The following METTL15 variants were observed in gnomAD, a reference collection of about 807,000 sequenced individuals.
METTL15 encodes methyltransferase 15, mitochondrial 12S rRNA N4-cytidine, also known as 12S rRNA N(4)-cytidine methyltransferase METTL15.
A neutral mutation model predicts 38.3 loss-of-function variants in METTL15; 34 were observed. That is an observed-to-expected ratio of 0.89 (90% CI 0.68 to 1.18). The LOEUF is 1.18. Among genes scored for constraint, METTL15 ranks in the 50% most tolerant of loss-of-function variants. The pLI is 0.00. For synonymous variants in METTL15, 162 were observed against 170.9 expected (o/e 0.95, Z 0.41); for missense variants, 438 against 498.4 (o/e 0.88, Z 1.15).
rs112754254 is a variant in METTL15 at position 28,147,360 on chromosome 11, A to C, written c.270+33756A>C. Among the ~76,000 whole-genome samples the C allele has an allele frequency of 3.9e-5, 6 of 151,960 alleles. No homozygotes were observed. The East Asian group carries it at 1.2e-3, about 29-fold the overall frequency. ...CATTTGATCTAGTTACAGAGTAGACAATCTTTAGGGCAATAAGTGGATTAC... is the reference window on the plus strand; with the variant it reads ...CATTTGATCTAGTTACAGAGTAGACCATCTTTAGGGCAATAAGTGGATTAC... On this transcript the variant is annotated intron_variant, in intron 3 of 6. Transcript: ENST00000407364.
At chr11:28,248,446 G>T (rs974560596) in intron 4 of METTL15, among the ~76,000 whole-genome samples, 3 of 152,032 alleles carry the variant, frequency 2.0e-5, no homozygotes, top group Non-Finnish European at 4.4e-5. Context: ...CATAGATTTT[G>T]TCTGGGTTTT....
chr11:28,129,166 G>T (rs1852633786), intron 3 of METTL15, among the ~76,000 whole-genome samples: 1 of 152,124 alleles, frequency 6.6e-6, no homozygotes, highest in African/African-American at 2.4e-5. Flanking sequence ...TCAAACACTT[G>T]AGGAATCTTT....
chr11:28,379,714 G>T (rs891258618), intron 5 of METTL15, among the ~76,000 whole-genome samples: 1 of 152,148 alleles, frequency 6.6e-6, no homozygotes, highest in Non-Finnish European at 1.5e-5. Flanking sequence ...GTAAATGTCA[G>T]TTAGGATTTC....
intron 6 of METTL15, among the ~76,000 whole-genome samples, chr11:28,506,107 A>G (rs946623573): frequency 2.0e-5 from 3 of 152,168 alleles, no homozygotes; most frequent in Non-Finnish European, 4.4e-5. Context: ...TTGGAGTTTA[A>G]TAGATTAATG....
At position 28,263,119 on chromosome 11, in the gene METTL15, G is replaced by A. The variant is rs1007352824; in HGVS notation, c.408-27087G>A. ...ATATTTTTTTAAAATGTGGTGCTCC[G>A]AACTGAACAGTATGTTCATTAGAGT... On this transcript the variant is annotated intron_variant, in intron 4 of 6. Transcript: ENST00000407364. Among the ~76,000 whole-genome samples the A allele has an allele frequency of 7.2e-5, 11 of 151,734 alleles. No homozygotes were observed. The East Asian group carries it at 1.2e-3, about 16-fold the overall frequency.
At chr11:28,252,476 T>C (rs1438867540) in intron 4 of METTL15, among the ~76,000 whole-genome samples, 1 of 152,146 alleles carries the variant, frequency 6.6e-6, no homozygotes, top group African/African-American at 2.4e-5. Context: ...ACATTAACTG[T>C]CTCACATTTT....
At chr11:28,499,240 C>T (rs1335907282) in intron 6 of METTL15, among the ~76,000 whole-genome samples, 1 of 152,034 alleles carries the variant, frequency 6.6e-6, no homozygotes, top group Admixed American at 6.6e-5. Flanking sequence ...GTAGAGTGTG[C>T]CCAAGATCAC....
At chr11:28,407,394 A>G (rs1029066961) in intron 5 of METTL15, among the ~76,000 whole-genome samples, 1 of 152,202 alleles carries the variant, frequency 6.6e-6, no homozygotes, top group Non-Finnish European at 1.5e-5. Context: ...AATGGGAGAA[A>G]ATTTTTGCAA....
At chr11:28,184,448 T>A (rs1851418217) in intron 3 of METTL15, among the ~76,000 whole-genome samples, 1 of 152,058 alleles carries the variant, frequency 6.6e-6, no homozygotes. Flanking sequence ...CCAGAGATTC[T>A]GGTACGTTGT....
chr11:28,481,629 C>T (rs994534909), intron 6 of METTL15, among the ~76,000 whole-genome samples: 2 of 152,068 alleles, frequency 1.3e-5, no homozygotes, highest in African/African-American at 4.8e-5. Context: ...GTCACTGAAG[C>T]GGCCAGCAGG....
chr11:28,151,379 T>A (rs1242869063), intron 3 of METTL15, among the ~76,000 whole-genome samples: 2 of 151,962 alleles, frequency 1.3e-5, no homozygotes, highest in African/African-American at 4.8e-5. Context: ...GTTATATGGA[T>A]CTAACTTTAG....
At chr11:28,214,611 A>C (rs919575333) in intron 4 of METTL15, among the ~76,000 whole-genome samples, 3 of 152,168 alleles carry the variant, frequency 2.0e-5, no homozygotes, top group African/African-American at 7.2e-5. Flanking sequence ...TTAAATGTAA[A>C]ATATTCTCAA....
At chr11:28,385,470 C>T (rs1205245782) in intron 5 of METTL15, among the ~76,000 whole-genome samples, 1 of 151,928 alleles carries the variant, frequency 6.6e-6, no homozygotes, top group Non-Finnish European at 1.5e-5. Flanking sequence ...AACCTTATTT[C>T]TGTGCTCTTT....
intron 5 of METTL15, among the ~76,000 whole-genome samples, chr11:28,417,969 G>C (rs192402915): frequency 4.1e-4 from 62 of 152,186 alleles, no homozygotes; most frequent in African/African-American, 1.5e-3. Context: ...TTATCTTGAT[G>C]ACTCAATCAT....
intron 4 of METTL15, among the ~76,000 whole-genome samples, chr11:28,357,630 C>T (rs1850101308): frequency 6.6e-6 from 1 of 152,180 alleles, no homozygotes. Context: ...TTTGAGGTGC[C>T]TGACTCATGG....
intron 6 of METTL15, among the ~76,000 whole-genome samples, chr11:28,482,682 C>T (rs1851405274): frequency 6.6e-6 from 1 of 152,192 alleles, no homozygotes; most frequent in South Asian, 2.1e-4. Flanking sequence ...GCCAGTTTGT[C>T]TGGCTCAGGG....
At chr11:28,270,804 T>C (rs1203731501) in intron 4 of METTL15, among the ~76,000 whole-genome samples, 1 of 152,186 alleles carries the variant, frequency 6.6e-6, no homozygotes, top group Non-Finnish European at 1.5e-5. Flanking sequence ...TAGTATGGCA[T>C]AGTGCTTAAT....
At chr11:28,284,760 T>C (rs534444246) in intron 4 of METTL15, among the ~76,000 whole-genome samples, 1 of 152,260 alleles carries the variant, frequency 6.6e-6, no homozygotes, top group South Asian at 2.1e-4. Context: ...TTCTTGCTGA[T>C]CGTTATGGAA....
At chr11:28,285,072 G>A (rs1271073742) in intron 4 of METTL15, among the ~76,000 whole-genome samples, 1 of 152,066 alleles carries the variant, frequency 6.6e-6, no homozygotes, top group Non-Finnish European at 1.5e-5. Flanking sequence ...TCCCAGGCTT[G>A]CACTTACTCC....
Sources: gnomAD v4.1 joint callset for allele counts (sites outside exome capture counted in the v4.1 genomes callset) on GRCh38, gnomAD v4.1.1 for gene constraint, MANE v1.5 for transcripts, NCBI Gene and HGNC (gene_info 2026-07-23, HGNC 2026-07-21) for gene names.